The following ATP2B2 variants were observed in gnomAD, a reference collection of about 807,000 sequenced individuals.
ATP2B2 encodes ATPase plasma membrane Ca2+ transporting 2.
ATP2B2 carries 15 observed loss-of-function variants against 120.0 expected under a neutral mutation model. The observed-to-expected ratio is 0.12, with a 90% CI of 0.08 to 0.19. The LOEUF is 0.19. Ranked by LOEUF, ATP2B2 falls within the 10% of genes least tolerant of loss-of-function variation. The probability of loss-of-function intolerance (pLI) is 1.00; values close to 1 mark genes in which losing one functional copy is unlikely to be tolerated. For synonymous variants in ATP2B2, 694 were observed against 700.3 expected, an observed-to-expected ratio of 0.99 and a Z score of 0.14; for missense variants, 1,045 against 1,719.8, an observed-to-expected ratio of 0.61 and a Z score of 6.94.
chr3:10,630,850 T>TGGGGGGGGGGGGGGG (rs1559495980), intron 1 of ATP2B2, among the ~76,000 whole-genome samples: 4 of 44,826 alleles, frequency 8.9e-5, no homozygotes, highest in Admixed American at 2.6e-4. Flanking sequence ...GGCGGGGGGG[T>TGGGGGGGGGGGGGGG]GGGGGGCGGT....
At chr3:10,477,082 C>G (rs528119883) in intron 1 of ATP2B2, among the ~76,000 whole-genome samples, 22 of 152,328 alleles carry the variant, frequency 1.4e-4, no homozygotes, top group African/African-American at 5.3e-4. Flanking sequence ...AAATAAGGAG[C>G]CTAATGTGTG....
intron 2 of ATP2B2, among the ~76,000 whole-genome samples, chr3:10,419,844 C>T (rs1359277450): frequency 6.6e-6 from 1 of 152,200 alleles, no homozygotes; most frequent in Non-Finnish European, 1.5e-5. Flanking sequence ...TCTGCAAATG[C>T]CCCACAGTGA....
intron 2 of ATP2B2, among the ~76,000 whole-genome samples, chr3:10,541,777 T>C (rs1006304657): frequency 6.6e-6 from 1 of 152,194 alleles, no homozygotes; most frequent in Non-Finnish European, 1.5e-5. Context: ...GTTGATTAGA[T>C]TTTATTGGCT....
At chr3:10,553,957 G>A (rs1004901675) in intron 2 of ATP2B2, among the ~76,000 whole-genome samples, 2 of 143,722 alleles carry the variant, frequency 1.4e-5, no homozygotes, top group Non-Finnish European at 1.5e-5. Context: ...AAAGAAGCAA[G>A]AGATTATAAT....
At position 10,435,751 on chromosome 3, in the gene ATP2B2, C is replaced by T. The variant is rs953528672; in HGVS notation, c.199+13594G>A. Among the ~76,000 whole-genome samples the T allele has an allele frequency of 8.5e-5, 13 of 152,166 alleles. 1 individual carries two copies. The highest frequency in any genetic ancestry group is 2.1e-4 in the South Asian group (1 of 4,812). Reference sequence around the variant, plus strand: ...GGTGGGTATGGCTGCTCTGAGCCTCCGTACCTCTCCTGGCTGGGTCCTTCA... The same window carrying T: ...GGTGGGTATGGCTGCTCTGAGCCTCTGTACCTCTCCTGGCTGGGTCCTTCA... On this transcript the variant is annotated intron_variant, in intron 2 of 22. Coordinates refer to ENST00000360273, the MANE Select transcript of ATP2B2 (RefSeq NM_001001331.4).
intron 1 of ATP2B2, among the ~76,000 whole-genome samples, chr3:10,698,240 A>G (rs2071768340): frequency 6.6e-6 from 1 of 152,190 alleles, no homozygotes; most frequent in Non-Finnish European, 1.5e-5. Context: ...TCCCTGATAA[A>G]AGAAACGCAG....
chr3:10,650,237 T>TG (rs2070421783), intron 1 of ATP2B2, among the ~76,000 whole-genome samples: 1 of 152,240 alleles, frequency 6.6e-6, no homozygotes, highest in Admixed American at 6.5e-5. Flanking sequence ...TGGTCTCAGA[T>TG]GGAGTTGAGG....
At chr3:10,703,042 G>A (rs931919320) in intron 1 of ATP2B2, among the ~76,000 whole-genome samples, 3 of 152,082 alleles carry the variant, frequency 2.0e-5, no homozygotes, top group African/African-American at 7.2e-5. Flanking sequence ...CCTTACAGAC[G>A]GTTATATATG....
intron 1 of ATP2B2, among the ~76,000 whole-genome samples, chr3:10,471,364 C>CTGTGTGTGTGTGTGTG (rs58583936): frequency 6.7e-6 from 1 of 150,358 alleles, no homozygotes; most frequent in Non-Finnish European, 1.5e-5. Flanking sequence ...TTCAGGAAAC[C>CTGTGTGTGTGTGTGTG]TGTGTGTGTG....
Position 10,350,713 on chromosome 3 carries a change from C to T in ATP2B2, c.2137-136G>A, listed in dbSNP as rs146350605. The T allele has an allele frequency of 5.6e-4, 512 of 913,270 alleles. 1 individual carries two copies. The African/African-American group carries it at 7.4e-3, about 13-fold the overall frequency. 56.6% of individuals were successfully genotyped at this position (913,270 alleles called of 1,614,324 possible). On this transcript the variant is annotated intron_variant, in intron 14 of 22. Transcript: ENST00000360273. ...CTAGATGACTATGAGATGCTGATGA[C>T]GCACATGGCATATGGGCCACAGCCT...
intron 2 of ATP2B2, among the ~76,000 whole-genome samples, chr3:10,592,823 C>G (rs1005917736): frequency 1.3e-5 from 2 of 152,214 alleles, no homozygotes; most frequent in Non-Finnish European, 2.9e-5. Flanking sequence ...AGCTCTGTTG[C>G]CCAGGCTGGA....
intron 2 of ATP2B2, among the ~76,000 whole-genome samples, chr3:10,578,440 G>A (rs995040852): frequency 5.9e-5 from 9 of 151,900 alleles, no homozygotes; most frequent in South Asian, 2.1e-4. Context: ...CCACCTACTC[G>A]GGAGGTTGAG....
intron 1 of ATP2B2, among the ~76,000 whole-genome samples, chr3:10,457,068 T>C (rs2064290634): frequency 6.6e-6 from 1 of 152,186 alleles, no homozygotes; most frequent in Admixed American, 6.5e-5. Flanking sequence ...AGTGTGGATG[T>C]AAGCAGGCAT....
chr3:10,681,196 A>G (rs1310416226), intron 1 of ATP2B2, among the ~76,000 whole-genome samples: 3 of 152,190 alleles, frequency 2.0e-5, no homozygotes, highest in African/African-American at 7.2e-5. Context: ...TTCTTTATAA[A>G]GTAACCCATC....
intron 1 of ATP2B2, among the ~76,000 whole-genome samples, chr3:10,638,119 T>C (rs1462323705): frequency 6.6e-6 from 1 of 152,108 alleles, no homozygotes; most frequent in Non-Finnish European, 1.5e-5. Context: ...CCAACAGAAC[T>C]GTACTATAAG....
chr3:10,443,809 G>A (rs568495609), intron 2 of ATP2B2, among the ~76,000 whole-genome samples: 1 of 152,162 alleles, frequency 6.6e-6, no homozygotes, highest in Non-Finnish European at 1.5e-5. Flanking sequence ...CAAATACTGG[G>A]CCTAGATTCT....
intron 9 of ATP2B2, 40 bp downstream of exon 9, chr3:10,379,203 C>G (rs1458656049): frequency 6.2e-7 from 1 of 1,605,694 alleles, no homozygotes; most frequent in Non-Finnish European, 8.5e-7. Context: ...TGGGGAGGGG[C>G]CTCAGGGACG....
At chr3:10,482,749 A>C (rs1391440416) in intron 1 of ATP2B2, among the ~76,000 whole-genome samples, 1 of 152,190 alleles carries the variant, frequency 6.6e-6, no homozygotes, top group East Asian at 1.9e-4. Context: ...GGAAGTCTGA[A>C]TTCTGCTCAC....
chr3:10,370,634 C>T (rs145639256), intron 12 of ATP2B2, among the ~76,000 whole-genome samples: 10 of 152,324 alleles, frequency 6.6e-5, no homozygotes, highest in Non-Finnish European at 1.2e-4. Context: ...CCTACCAGCC[C>T]TTGGCTCTTT....
Sources: allele counts gnomAD v4.1 joint callset (sites outside exome capture counted in the v4.1 genomes callset), GRCh38; gene constraint gnomAD v4.1.1; transcripts MANE v1.5; gene names NCBI Gene and HGNC (gene_info 2026-07-23, HGNC 2026-07-21).